Variants in ADAMTS9 observed in about 807,000 individuals in gnomAD.
ADAMTS9 encodes the protein ADAM metallopeptidase with thrombospondin type 1 motif 9.
ADAMTS9 carries 107 observed loss-of-function variants against 257.1 expected under a neutral mutation model. The observed-to-expected ratio is 0.42, with a 90% CI of 0.36 to 0.49. The LOEUF (loss-of-function observed/expected upper bound fraction) is 0.49, where lower values mean the gene tolerates loss of function less well. ADAMTS9 is among the 20% of genes least tolerant of loss of function. ADAMTS9 has a pLI of 0.03. For missense variants in ADAMTS9, 2,353 were observed against 2,469.1 expected (o/e 0.95, Z 1.00); for synonymous variants, 982 against 880.9 (o/e 1.11, Z -2.03).
At chr3:64,531,517 G>A (rs2082981254) in intron 38 of ADAMTS9, among the ~76,000 whole-genome samples, 2 of 151,454 alleles carry the variant, frequency 1.3e-5, no homozygotes, top group East Asian at 1.9e-4. Context: ...GCCCAGCCTG[G>A]AGTGCAGTCG....
intron 3 of ADAMTS9, among the ~76,000 whole-genome samples, chr3:64,664,724 G>A (rs1180472096): frequency 3.9e-5 from 6 of 152,162 alleles, no homozygotes; most frequent in African/African-American, 1.2e-4. Flanking sequence ...GAACATTGCT[G>A]CTATGAACAT....
chr3:64,645,962 C>T (rs779246565), intron 11 of ADAMTS9, among the ~76,000 whole-genome samples: 2 of 152,242 alleles, frequency 1.3e-5, no homozygotes, highest in South Asian at 2.1e-4. Flanking sequence ...CCAAGTTATT[C>T]TGCATTCCAG....
At chr3:64,538,082 A>G (rs1225072266) in intron 37 of ADAMTS9, among the ~76,000 whole-genome samples, 1 of 152,226 alleles carries the variant, frequency 6.6e-6, no homozygotes. Flanking sequence ...CAGACGTTGT[A>G]GAACTGAAGT....
chr3:64,599,650 T>G (rs988886402), intron 26 of ADAMTS9, among the ~76,000 whole-genome samples: 2 of 152,146 alleles, frequency 1.3e-5, no homozygotes, highest in Non-Finnish European at 2.9e-5. Context: ...GCAGAATAAC[T>G]CAAGAGTGGC....
At chr3:64,620,290 GCCAATAC>G (rs2106858430) in intron 19 of ADAMTS9, among the ~76,000 whole-genome samples, 1 of 152,294 alleles carries the variant, frequency 6.6e-6, no homozygotes, top group South Asian at 2.1e-4. Flanking sequence ...ACTACAGGCA[GCCAATAC>G]CCTTTGATAG....
chr3:64,541,474 A>G, intron 34 of ADAMTS9, 52 bp downstream of exon 34: 1 of 1,605,822 alleles, frequency 6.2e-7, no homozygotes, highest in Non-Finnish European at 8.5e-7. Context: ...GAGAGCGGTG[A>G]TCACTCACTC....
At chr3:64,527,821 T>C (rs1384362574) in intron 38 of ADAMTS9, among the ~76,000 whole-genome samples, 1 of 152,148 alleles carries the variant, frequency 6.6e-6, no homozygotes, top group Non-Finnish European at 1.5e-5. Flanking sequence ...ACTTGGTGGA[T>C]AGTTGGATTT....
chr3:64,681,710 A>T (rs528436605), intron 2 of ADAMTS9, among the ~76,000 whole-genome samples: 8 of 152,186 alleles, frequency 5.3e-5, no homozygotes, highest in African/African-American at 1.9e-4. Context: ...TGCCCAGCTA[A>T]GTTTTTTACT....
At chr3:64,522,096 A>G in intron 39 of ADAMTS9, 70 bp downstream of exon 39, 1 of 1,359,590 alleles carries the variant, frequency 7.4e-7, no homozygotes, top group Non-Finnish European at 1.0e-6. Context: ...ATCCTCCCAC[A>G]TTTGCTCATA....
chr3:64,649,787 A>G lies in ADAMTS9; in HGVS notation c.1464-9T>C. 6.2e-7 allele frequency: 1 copy of G among 1,607,730 alleles called. No homozygotes were observed. The highest frequency in any genetic ancestry group is 1.3e-5 in the African/African-American group (1 of 74,894). On this transcript the variant is annotated splice_polypyrimidine_tract_variant and intron_variant, in intron 9 of 39. Coordinates refer to ENST00000498707, the MANE Select transcript of ADAMTS9 (RefSeq NM_182920.2). ...ACTCGCCATAACCAGTGCTACGGAA[A>G]CACACAGAAACACACAGATGGTGAG...
At chr3:64,562,108 T>C (rs1040421331) in intron 29 of ADAMTS9, among the ~76,000 whole-genome samples, 2 of 152,180 alleles carry the variant, frequency 1.3e-5, no homozygotes, top group African/African-American at 2.4e-5. Context: ...ATTTCTATCC[T>C]GGAGGATTTG....
At chr3:64,570,893 A>G (rs2083668390) in intron 28 of ADAMTS9, among the ~76,000 whole-genome samples, 1 of 152,010 alleles carries the variant, frequency 6.6e-6, no homozygotes, top group Admixed American at 6.6e-5. Context: ...AGATATATTT[A>G]TTTCTAGGAA....
chr3:64,687,472 C>T lies in ADAMTS9; in HGVS notation c.115+71G>A. On this transcript the variant is annotated intron_variant, in intron 1 of 39. Transcript: ENST00000498707. This position sits in a 1 kb window ranked among gnomAD's most constrained non-coding sequence, Gnocchi z 4.4. The stretch of plus-strand genomic sequence containing the variant: ...GAGAGAAGCCTCCGCTGCGGGGTGC[C>T]CCTGCCCAGGAGCGAGGACCGGGAG... 1 of 1,255,038 alleles carries T rather than the reference C, an allele frequency of 8.0e-7. No individual in the cohort carries two copies. The highest frequency in any genetic ancestry group is 1.1e-6 in the Non-Finnish European group (1 of 922,672). 77.7% of individuals were successfully genotyped at this position (1,255,038 alleles called of 1,614,324 possible).
chr3:64,642,247 T>A (rs1700664749), intron 11 of ADAMTS9, among the ~76,000 whole-genome samples: 1 of 152,094 alleles, frequency 6.6e-6, no homozygotes, highest in African/African-American at 2.4e-5. Flanking sequence ...ACAGGGTAAC[T>A]CCAATGGCAA....
chr3:64,588,415 A>T (rs1424104838), intron 28 of ADAMTS9: 1 of 146,560 alleles, frequency 6.8e-6, no homozygotes, highest in African/African-American at 2.4e-5. Flanking sequence ...TTTGTTAAAA[A>T]TTGATTTTTT....
intron 11 of ADAMTS9, among the ~76,000 whole-genome samples, chr3:64,646,407 C>A (rs1406310673): frequency 6.6e-6 from 1 of 152,110 alleles, no homozygotes; most frequent in African/African-American, 2.4e-5. Flanking sequence ...GATTTTGTGG[C>A]CACCAATCCA....
At chr3:64,632,871 C>T (rs1016806500) in intron 14 of ADAMTS9, among the ~76,000 whole-genome samples, 3 of 151,708 alleles carry the variant, frequency 2.0e-5, no homozygotes, top group African/African-American at 7.3e-5. Context: ...GAGGCATCAT[C>T]TCAGAGCCCA....
At chr3:64,670,840 A>G (rs1263099134) in intron 3 of ADAMTS9, among the ~76,000 whole-genome samples, 2 of 152,238 alleles carry the variant, frequency 1.3e-5, no homozygotes, top group Non-Finnish European at 2.9e-5. Flanking sequence ...ACCTATTAGA[A>G]TAGCTAAACT....
At chr3:64,677,736 T>C (rs984492314) in intron 3 of ADAMTS9, among the ~76,000 whole-genome samples, 1 of 152,206 alleles carries the variant, frequency 6.6e-6, no homozygotes, top group African/African-American at 2.4e-5. Context: ...GAAAGGTACA[T>C]GTTATCCTCA....
Sources: gnomAD v4.1 joint callset for allele counts (sites outside exome capture counted in the v4.1 genomes callset) on GRCh38, gnomAD v4.1.1 for gene constraint, Gnocchi (gnomAD v3.1) non-coding constraint, MANE v1.5 for transcripts, NCBI Gene and HGNC (gene_info 2026-07-23, HGNC 2026-07-21) for gene names.